NCKAP5: variants seen among roughly 807,000 people sequenced by gnomAD.
NCKAP5 encodes NCK associated protein 5.
In NCKAP5, 92 loss-of-function variants were observed where a neutral mutation model predicts 167.0. The ratio of observed to expected loss-of-function variants is 0.55; its 90% CI spans 0.47 to 0.66. The LOEUF (loss-of-function observed/expected upper bound fraction) is 0.66. NCKAP5 is among the 30% of genes least tolerant of loss of function. The pLI, the probability that NCKAP5 is intolerant of heterozygous loss-of-function variation, is 0.00. For synonymous variants in NCKAP5, 891 were observed against 877.4 expected (o/e 1.02, Z -0.27); for missense variants, 2,378 against 2,315.0 (o/e 1.03, Z -0.56).
At chr2:132,888,292 A>C (rs2148855637) in intron 8 of NCKAP5, among the ~76,000 whole-genome samples, 1 of 152,346 alleles carries the variant, frequency 6.6e-6, no homozygotes, top group South Asian at 2.1e-4. Flanking sequence ...ATCTTTTAAA[A>C]ATATTATAGA....
intron 3 of NCKAP5, among the ~76,000 whole-genome samples, chr2:133,334,804 G>A (rs954057111): frequency 2.6e-5 from 4 of 152,152 alleles, no homozygotes; most frequent in Admixed American, 2.0e-4. Flanking sequence ...TCCTGAATTA[G>A]GGTGCCCCTC....
At chr2:132,769,822 C>T (rs1681864762) in intron 16 of NCKAP5, among the ~76,000 whole-genome samples, 1 of 152,180 alleles carries the variant, frequency 6.6e-6, no homozygotes, top group South Asian at 2.1e-4. Flanking sequence ...TTTTAGCCTT[C>T]CTTATACTTT....
intron 6 of NCKAP5, among the ~76,000 whole-genome samples, chr2:133,094,256 T>C (rs1180991961): frequency 6.6e-6 from 1 of 152,142 alleles, no homozygotes; most frequent in Non-Finnish European, 1.5e-5. Context: ...CTGAGAGAGA[T>C]ATAGGAGGGA....
chr2:133,594,275 G>A, the NCKAP5 span, among the ~76,000 whole-genome samples: 2 of 152,178 alleles, frequency 1.3e-5, no homozygotes, highest in Non-Finnish European at 2.9e-5. Flanking sequence ...CGTTGGCTGG[G>A]AGGAAACCTA....
intron 4 of NCKAP5, among the ~76,000 whole-genome samples, chr2:133,233,366 A>G (rs989516524): frequency 1.1e-4 from 17 of 152,176 alleles, no homozygotes; most frequent in African/African-American, 3.6e-4. Context: ...AATAGTGTCT[A>G]ACTCTATAAA....
the NCKAP5 span, among the ~76,000 whole-genome samples, chr2:133,616,694 T>G: frequency 6.6e-6 from 1 of 151,894 alleles, no homozygotes; most frequent in African/African-American, 2.4e-5. Context: ...CAGGACCAGA[T>G]GGATTCACAG....
At chr2:132,882,221 G>T (rs1001738524) in intron 8 of NCKAP5, among the ~76,000 whole-genome samples, 3 of 152,188 alleles carry the variant, frequency 2.0e-5, no homozygotes, top group African/African-American at 7.2e-5. Context: ...TTTCTCTAAG[G>T]AATTCTACTT....
chr2:132,870,545 GACTCAT>G (rs1476529504), intron 9 of NCKAP5, among the ~76,000 whole-genome samples: 3 of 151,996 alleles, frequency 2.0e-5, no homozygotes, highest in African/African-American at 7.3e-5. Flanking sequence ...TGACTTCAAA[GACTCAT>G]ACCTGGCAGT....
chr2:132,839,226 C>A (rs1688116795), intron 11 of NCKAP5, among the ~76,000 whole-genome samples: 1 of 152,112 alleles, frequency 6.6e-6, no homozygotes, highest in African/African-American at 2.4e-5. Flanking sequence ...GTTCACCTTT[C>A]TTTTATAGCT....
At chr2:132,848,628 C>A (rs1462389454) in intron 11 of NCKAP5, among the ~76,000 whole-genome samples, 1 of 152,152 alleles carries the variant, frequency 6.6e-6, no homozygotes, top group Non-Finnish European at 1.5e-5. Flanking sequence ...CTCTTCCATT[C>A]ACTAGTTAGC....
intron 8 of NCKAP5, among the ~76,000 whole-genome samples, chr2:132,937,096 T>C (rs1471809096): frequency 6.6e-6 from 1 of 152,188 alleles, no homozygotes; most frequent in Non-Finnish European, 1.5e-5. Context: ...GGGAATTTAC[T>C]GGCCCTCCTC....
intron 11 of NCKAP5, among the ~76,000 whole-genome samples, chr2:132,799,654 G>A (rs555480033): frequency 1.3e-5 from 2 of 152,124 alleles, no homozygotes; most frequent in African/African-American, 4.8e-5. Flanking sequence ...AGGCACGAAT[G>A]AATCATTCAT....
chr2:133,147,660 T>C (rs1036202172), intron 5 of NCKAP5, among the ~76,000 whole-genome samples: 6 of 152,144 alleles, frequency 3.9e-5, no homozygotes, highest in African/African-American at 1.2e-4. Context: ...GATAAGCATA[T>C]GGATGAGCAA....
chr2:132,734,465 G>A (rs1691316364), intron 16 of NCKAP5, among the ~76,000 whole-genome samples: 1 of 152,176 alleles, frequency 6.6e-6, no homozygotes, highest in Admixed American at 6.5e-5. Context: ...TGTAGCAGCT[G>A]AGATGTGTCA....
At chr2:132,860,020 G>A (rs1339122593) in intron 11 of NCKAP5, among the ~76,000 whole-genome samples, 1 of 152,130 alleles carries the variant, frequency 6.6e-6, no homozygotes, top group Non-Finnish European at 1.5e-5. Flanking sequence ...ATAGAAACAG[G>A]AGACGTTCTG....
chr2:132,874,618 T>G (rs2148791661), intron 9 of NCKAP5, among the ~76,000 whole-genome samples: 1 of 152,272 alleles, frequency 6.6e-6, no homozygotes, highest in Admixed American at 6.5e-5. Context: ...TTCAATGTCC[T>G]TGCGCTCTGA....
At chr2:133,054,091 C>T (rs1374388706) in intron 6 of NCKAP5, among the ~76,000 whole-genome samples, 8 of 152,134 alleles carry the variant, frequency 5.3e-5, no homozygotes, top group African/African-American at 1.9e-4. Context: ...AAGTCAGAGG[C>T]TGGTACAAAA....
At chr2:133,135,404 A>G (rs2082753981) in intron 5 of NCKAP5, among the ~76,000 whole-genome samples, 1 of 152,110 alleles carries the variant, frequency 6.6e-6, no homozygotes, top group Non-Finnish European at 1.5e-5. Flanking sequence ...ACGCAGGTGG[A>G]AAAGAATAAG....
chr2:133,541,003 G>A (rs988264468), intron 2 of NCKAP5, among the ~76,000 whole-genome samples: 2 of 150,064 alleles, frequency 1.3e-5, no homozygotes, highest in Non-Finnish European at 3.0e-5. Context: ...ACACGATAAG[G>A]TCTTAGTGTT....
Sources: gnomAD v4.1 joint callset for allele counts (sites outside exome capture counted in the v4.1 genomes callset) on GRCh38, gnomAD v4.1.1 for gene constraint, MANE v1.5 for transcripts, NCBI Gene and HGNC (gene_info 2026-07-23, HGNC 2026-07-21) for gene names.